The following CELSR1 variants were observed in gnomAD, a reference collection of about 807,000 sequenced individuals.
CELSR1 encodes adhesion G protein-coupled receptor C1.
In CELSR1, 110 loss-of-function variants were observed where a neutral mutation model predicts 249.1. That is an observed-to-expected ratio of 0.44 (90% confidence interval 0.38 to 0.52). The LOEUF is 0.52. CELSR1 is among the 20% of genes least tolerant of loss of function. CELSR1 has a pLI of 0.00. For missense variants in CELSR1, 4,109 were observed against 4,296.4 expected, an observed-to-expected ratio of 0.96 and a Z score of 1.22; for synonymous variants, 2,113 against 1,900.0, an observed-to-expected ratio of 1.11 and a Z score of -2.92.
rs1256822835 is a variant in CELSR1, at chr22:46,430,676, A to T, written c.4611+2717T>A. ...CAGGACCAGAGGTGACATTGGAGACAAAGTGGAGGCCCAGAGAGCAGAGGA... is the reference window on the plus strand; with the variant it reads ...CAGGACCAGAGGTGACATTGGAGACTAAGTGGAGGCCCAGAGAGCAGAGGA... On this transcript the variant is annotated intron_variant, in intron 5 of 34. Coordinates refer to ENST00000674500, the MANE Select transcript of CELSR1 (RefSeq NM_001378328.1). This position sits in a 1 kb window ranked among gnomAD's most constrained non-coding sequence, Gnocchi z 4.6. 6.6e-6 allele frequency among the ~76,000 whole-genome samples: 1 copy of T among 152,178 alleles called. No individual in the cohort carries two copies. Among genetic ancestry groups the T allele is most frequent in the African/African-American group, 2.4e-5 (1 of 41,442 alleles).
intron 2 of CELSR1, among the ~76,000 whole-genome samples, chr22:46,463,497 T>C (rs570705069): frequency 4.1e-5 from 6 of 145,078 alleles, no homozygotes; most frequent in Non-Finnish European, 6.0e-5. Flanking sequence ...GCCTGGACAA[T>C]AGAGTGAGAT....
intron 26 of CELSR1, 30 bp from the exon 27 acceptor site, chr22:46,369,288 T>C (rs199720257): frequency 4.8e-4 from 25 of 52,324 alleles, no homozygotes; most frequent in South Asian, 7.0e-4. Context: ...ATCAATGTCT[T>C]CTCTCTCGTC....
chr22:46,467,289 C>T (rs897569466), intron 1 of CELSR1, among the ~76,000 whole-genome samples: 3 of 152,176 alleles, frequency 2.0e-5, no homozygotes, highest in African/African-American at 7.2e-5. Context: ...CTTGAGCAAT[C>T]ATCCTTCTGG....
chr22:46,465,674 A>G (rs1398179358), intron 1 of CELSR1, among the ~76,000 whole-genome samples: 2 of 152,360 alleles, frequency 1.3e-5, no homozygotes, highest in Admixed American at 1.3e-4. Context: ...CACCAGTCAC[A>G]TCTGGGAGGG....
At position 46,409,999 on chromosome 22, in the gene CELSR1, C is replaced by T. The variant is rs1602095902; in HGVS notation, c.4934-119G>A. ...ACCCGGGGCTGGACAGAAGTCAGAC[C>T]AGGTCTGAACGCCCCTGGCAACGGC... On this transcript the variant is annotated intron_variant, in intron 7 of 34. Coordinates refer to ENST00000674500, the MANE Select transcript of CELSR1 (RefSeq NM_001378328.1). The surrounding 1 kb of genome is among the most constrained non-coding windows in gnomAD (Gnocchi z 9.8). 7.6e-7 allele frequency: 1 copy of T among 1,312,388 alleles called. No homozygotes were observed. The highest frequency in any genetic ancestry group is 1.1e-6 in the Non-Finnish European group (1 of 946,898). The allele number at this position is 1,312,388 out of a possible 1,614,324, so 81.3% of individuals were successfully genotyped here.
chr22:46,461,651 C>A (rs923399264), intron 2 of CELSR1, among the ~76,000 whole-genome samples: 2 of 152,162 alleles, frequency 1.3e-5, no homozygotes, highest in Non-Finnish European at 2.9e-5. Flanking sequence ...ACTTGGTCAC[C>A]CCCCAGAACA....
chr22:46,534,579 G>C lies in CELSR1; in HGVS notation c.2592C>G (p.Ala864=). 1 of 1,613,796 alleles carries C rather than the reference G, an allele frequency of 6.2e-7. No individual in the cohort carries two copies. Among genetic ancestry groups the C allele is most frequent in the Non-Finnish European group, 8.5e-7 (1 of 1,180,042 alleles). Residue 864 remains alanine (A), a synonymous_variant, in exon 1 of 35, where the codon GCC becomes GCG. Coordinates refer to ENST00000674500, the MANE Select transcript of CELSR1 (RefSeq NM_001378328.1). The surrounding 1 kb of genome is among the most constrained non-coding windows in gnomAD (Gnocchi z 9.7). ...ATTTCTGCGGGATGCCGTTGTCCTG[G>C]GCCATGATGGTCAGCGTGTAGGCGA... ...NQVAYTLTIM[A]QDNGIPQKSD... is the part of the protein sequence containing the mutation.
At chr22:46,474,788 C>CT (rs55932520) in intron 1 of CELSR1, among the ~76,000 whole-genome samples, 1,637 of 89,548 alleles carry the variant, frequency 0.018, 77 homozygotes, top group Middle Eastern at 0.027. Flanking sequence ...CTCTCTACTT[C>CT]TTTTTTTTTT....
chr22:46,477,534 G>A (rs1376780362), intron 1 of CELSR1, among the ~76,000 whole-genome samples: 14 of 130,968 alleles, frequency 1.1e-4, no homozygotes, highest in African/African-American at 3.1e-4. Context: ...TTTTTGAGAC[G>A]GAGTCTTGCT....
rs760587124 is a variant in CELSR1, at chr22:46,536,351, CGAT to C, written c.817_819del (p.Ile273del). On this transcript the variant is annotated inframe_deletion, in exon 1 of 35. Transcript: ENST00000674500. ...TAGCTCACGCGCTCCTCCTCGCCCT[CGAT>C]GGTGTAGTGCGCGTGCAGCTGGAGG... 1 of 1,612,656 alleles carries C rather than the reference CGAT, an allele frequency of 6.2e-7. No individual in the cohort carries two copies. The highest frequency in any genetic ancestry group is 1.1e-5 in the South Asian group (1 of 91,082).
intron 24 of CELSR1, among the ~76,000 whole-genome samples, chr22:46,376,824 A>G (rs1338974436): frequency 6.6e-6 from 1 of 151,210 alleles, no homozygotes; most frequent in Non-Finnish European, 1.5e-5. Flanking sequence ...AAAAAGAAAG[A>G]AAGAAAGAAA....
rs1354307495 is a variant in CELSR1, at chr22:46,463,935, C to G, written c.3955G>C (p.Val1319Leu). 6.2e-7 allele frequency: 1 copy of G among 1,614,028 alleles called. No homozygotes were observed. Among genetic ancestry groups the G allele is most frequent in the Non-Finnish European group, 8.5e-7 (1 of 1,180,018 alleles). ...GAGCTGTCGAATCGCAGAACGGACACGCACTTCATGTAGTTCTCGCAGGGC... is the reference window on the plus strand; with the variant it reads ...GAGCTGTCGAATCGCAGAACGGACAGGCACTTCATGTAGTTCTCGCAGGGC... ...REPCENYMKC[V>L]SVLRFDSSAP... Residue 1319 changes from valine to leucine, a missense_variant, in exon 2 of 35, where the codon GTG (valine) becomes CTG (leucine). By Grantham distance (32) the Val-to-Leu change is conservative. Around this residue, in one of 7 missense-constraint regions of CELSR1, gnomAD observed 141 missense variants for 209.4 expected, o/e 0.67. Coordinates refer to ENST00000674500, the MANE Select transcript of CELSR1 (RefSeq NM_001378328.1).
rs1479704841 is a variant in CELSR1 at position 46,393,828 on chromosome 22, G to C, written c.5964+314C>G. Among the ~76,000 whole-genome samples the C allele has an allele frequency of 6.6e-6, 1 of 152,240 alleles. No individual in the cohort carries two copies. Among genetic ancestry groups the C allele is most frequent in the African/African-American group, 2.4e-5 (1 of 41,466 alleles). The stretch of plus-strand genomic sequence containing the variant: ...ATAGATGAGCCAGCCCTCAGAAACG[G>C]GTGGGCTTCCCACAGCCATGGGCAG... On this transcript the variant is annotated intron_variant, in intron 14 of 34. Coordinates refer to ENST00000674500, the MANE Select transcript of CELSR1 (RefSeq NM_001378328.1). The surrounding 1 kb of genome is among the most constrained non-coding windows in gnomAD (Gnocchi z 4.1).
Position 46,464,397 on chromosome 22 carries a change from T to C in CELSR1, c.3545-52A>G. The C allele has an allele frequency of 6.4e-7, 1 of 1,564,628 alleles. No homozygotes were observed. The highest frequency in any genetic ancestry group is 8.7e-7 in the Non-Finnish European group (1 of 1,154,992). On this transcript the variant is annotated intron_variant, in intron 1 of 34. Coordinates refer to ENST00000674500, the MANE Select transcript of CELSR1 (RefSeq NM_001378328.1). This position sits in a 1 kb window ranked among gnomAD's most constrained non-coding sequence, Gnocchi z 8.5. Reference sequence around the variant, plus strand: ...ATTCAGATGCTGCGGGAGTCACAGGTCCTATAGGCCCCATCCCAGGAGCAG... The same window carrying C: ...ATTCAGATGCTGCGGGAGTCACAGGCCCTATAGGCCCCATCCCAGGAGCAG...
At chr22:46,418,470 G>C (rs1157884191) in intron 5 of CELSR1, among the ~76,000 whole-genome samples, 2 of 151,842 alleles carry the variant, frequency 1.3e-5, no homozygotes, top group African/African-American at 2.4e-5. Flanking sequence ...GGGCGACAGA[G>C]CAAGATTCCG....
intron 25 of CELSR1, among the ~76,000 whole-genome samples, chr22:46,372,509 C>G (rs2078866396): frequency 7.7e-6 from 1 of 130,546 alleles, no homozygotes; most frequent in Admixed American, 7.5e-5. Context: ...ATCCACTCAC[C>G]CCCCACCCAC....
Position 46,363,057 on chromosome 22 carries a change from C to CGGG in CELSR1, c.*163_*165dup. On this transcript the variant is annotated 3_prime_UTR_variant, in exon 35 of 35. Transcript: ENST00000674500. This position sits in a 1 kb window ranked among gnomAD's most constrained non-coding sequence, Gnocchi z 4.3. The stretch of plus-strand genomic sequence containing the variant: ...AGACCTTTGTGTCTGGATGATCAGT[C>CGGG]GGGGGGCTGCCACCATGGGGACCGC... 8 of 1,429,626 alleles carry CGGG rather than the reference C, an allele frequency of 5.6e-6. No homozygotes were observed. The highest frequency in any genetic ancestry group is 7.8e-6 in the Non-Finnish European group (8 of 1,023,554). 88.6% of individuals were successfully genotyped at this position (1,429,626 alleles called of 1,614,324 possible).
chr22:46,389,470 C>G lies in CELSR1; in HGVS notation c.6375G>C (p.Gln2125His), dbSNP rs770131443. Reference protein sequence around the residue: ...MNEKLSRNETQVDGARALQLV... With the variant: ...MNEKLSRNETHVDGARALQLV... Reference sequence around the variant, plus strand: ...GCTGCAGGGCCCTGGCGCCGTCCACCTGCGTCTCATTGCGGCTCAGCTTCT... The same window carrying G: ...GCTGCAGGGCCCTGGCGCCGTCCACGTGCGTCTCATTGCGGCTCAGCTTCT... The change falls in exon 18 of 35, where the codon CAG becomes CAC. Residue 2125 changes from glutamine (Q) to histidine (H), a missense_variant. Coordinates refer to ENST00000674500, the MANE Select transcript of CELSR1 (RefSeq NM_001378328.1). 1.5e-5 allele frequency: 25 copies of G among 1,613,386 alleles called. No individual in the cohort carries two copies. In the East Asian group the frequency reaches 4.7e-4, roughly 30 times the overall value.
chr22:46,416,118 A>G (rs2079398658), intron 5 of CELSR1, among the ~76,000 whole-genome samples: 1 of 137,282 alleles, frequency 7.3e-6, no homozygotes, highest in African/African-American at 2.9e-5. Flanking sequence ...GGGGCGGATA[A>G]GGAATGAGAC....
Sources: gnomAD v4.1 joint callset for allele counts (sites outside exome capture counted in the v4.1 genomes callset) on GRCh38, gnomAD v4.1.1 for gene constraint, gnomAD v4.1.1 regional missense constraint, Gnocchi (gnomAD v3.1) non-coding constraint, MANE v1.5 for transcripts, NCBI Gene and HGNC (gene_info 2026-07-23, HGNC 2026-07-21) for gene names.